CSMD3: variants seen among roughly 807,000 people sequenced by gnomAD.
CSMD3 encodes CUB and sushi domain-containing protein 3.
In CSMD3, 177 loss-of-function variants were observed where a neutral mutation model predicts 435.2. The observed-to-expected ratio is 0.41, with a 90% CI of 0.36 to 0.46. CSMD3 has a LOEUF of 0.46. Among genes scored for constraint, CSMD3 ranks in the 20% least tolerant of loss-of-function variants. CSMD3 has a pLI of 0.34. For missense variants in CSMD3, 4,265 were observed against 4,504.6 expected (o/e 0.95, Z 1.52); for synonymous variants, 1,656 against 1,520.5 (o/e 1.09, Z -2.07).
intron 3 of CSMD3, among the ~76,000 whole-genome samples, chr8:113,236,242 T>C (rs1180691818): frequency 6.6e-6 from 1 of 152,210 alleles, no homozygotes; most frequent in East Asian, 1.9e-4. Flanking sequence ...CAGTATTTTA[T>C]GAATATGTAT....
In CSMD3 at chr8:113,160,110, C is replaced by T. The variant is rs533801815; in HGVS notation, c.709+13612G>A. 7.9e-5 allele frequency among the ~76,000 whole-genome samples: 12 copies of T among 151,962 alleles called. No homozygotes were observed. The South Asian group carries it at 2.3e-3, about 29-fold the overall frequency. On this transcript the variant is annotated intron_variant, in intron 4 of 70. Transcript: ENST00000297405. Reference sequence around the variant, plus strand: ...ATATATCTTACATTTCCTGAAAACACAAATTTATAGAAACAAGAGTTTTTT... The same window carrying T: ...ATATATCTTACATTTCCTGAAAACATAAATTTATAGAAACAAGAGTTTTTT...
intron 4 of CSMD3, among the ~76,000 whole-genome samples, chr8:113,109,194 A>G (rs2090567631): frequency 6.6e-6 from 1 of 152,266 alleles, no homozygotes; most frequent in African/African-American, 2.4e-5. Flanking sequence ...GTGAGGATAA[A>G]ACATCTTTTC....
chr8:112,284,319 T>A (rs1223104335), intron 58 of CSMD3, among the ~76,000 whole-genome samples: 3 of 151,880 alleles, frequency 2.0e-5, no homozygotes, highest in African/African-American at 7.2e-5. Flanking sequence ...TGAAAATACC[T>A]TTCATGTTTT....
chr8:112,482,335 G>A (rs1178352931), intron 31 of CSMD3, among the ~76,000 whole-genome samples: 1 of 152,180 alleles, frequency 6.6e-6, no homozygotes, highest in Non-Finnish European at 1.5e-5. Flanking sequence ...GACAGTTAAT[G>A]TATGATACTA....
At chr8:113,042,209 AC>A (rs2087651527) in intron 5 of CSMD3, among the ~76,000 whole-genome samples, 1 of 152,158 alleles carries the variant, frequency 6.6e-6, no homozygotes, top group Admixed American at 6.6e-5. Flanking sequence ...TGAGCTTGTC[AC>A]TGGGGTTATA....
chr8:113,395,039 T>C (rs928838959), intron 1 of CSMD3, among the ~76,000 whole-genome samples: 1 of 152,186 alleles, frequency 6.6e-6, no homozygotes, highest in African/African-American at 2.4e-5. Flanking sequence ...GGTAGTCATA[T>C]ACATTTCCTT....
chr8:113,232,957 C>G (rs997737331), intron 3 of CSMD3, among the ~76,000 whole-genome samples: 4 of 151,722 alleles, frequency 2.6e-5, no homozygotes, highest in African/African-American at 7.2e-5. Context: ...ACTGTCTTCC[C>G]TAGTAATATT....
At chr8:112,856,744 T>G (rs2080671328) in intron 11 of CSMD3, among the ~76,000 whole-genome samples, 1 of 151,862 alleles carries the variant, frequency 6.6e-6, no homozygotes, top group South Asian at 2.1e-4. Context: ...ACACCATAAT[T>G]GCTCAAATAT....
intron 3 of CSMD3, among the ~76,000 whole-genome samples, chr8:113,212,224 CA>C (rs1357776373): frequency 6.6e-6 from 1 of 152,012 alleles, no homozygotes; most frequent in Non-Finnish European, 1.5e-5. Flanking sequence ...TATTGGTTAT[CA>C]AAGACAATAG....
At chr8:112,956,703 G>A (rs1190554999) in intron 7 of CSMD3, among the ~76,000 whole-genome samples, 2 of 152,032 alleles carry the variant, frequency 1.3e-5, no homozygotes, top group Non-Finnish European at 2.9e-5. Context: ...CTAATATTGG[G>A]GGGCAGTGGC....
At chr8:112,417,826 A>G (rs1812075012) in intron 32 of CSMD3, among the ~76,000 whole-genome samples, 1 of 152,158 alleles carries the variant, frequency 6.6e-6, no homozygotes, top group African/African-American at 2.4e-5. Flanking sequence ...TTTCAACTTC[A>G]TCACAAAAGA....
intron 69 of CSMD3, 44 bp downstream of exon 69, chr8:112,231,501 G>T: frequency 8.7e-7 from 1 of 1,149,040 alleles, no homozygotes; most frequent in Non-Finnish European, 1.3e-6. Flanking sequence ...TATGATGTCT[G>T]GGATAATAAC....
chr8:112,425,947 T>C (rs1813024765), intron 32 of CSMD3, among the ~76,000 whole-genome samples: 1 of 152,174 alleles, frequency 6.6e-6, no homozygotes, highest in Non-Finnish European at 1.5e-5. Context: ...TGGACTCTAT[T>C]TTAGTCTTCT....
intron 3 of CSMD3, among the ~76,000 whole-genome samples, chr8:113,218,436 A>G (rs1218326486): frequency 6.7e-6 from 1 of 149,202 alleles, no homozygotes; most frequent in African/African-American, 2.5e-5. Flanking sequence ...ATTATTTTTC[A>G]TAATCTTTTA....
chr8:112,949,252 T>C (rs1263002037), intron 8 of CSMD3, among the ~76,000 whole-genome samples: 5 of 152,052 alleles, frequency 3.3e-5, no homozygotes, highest in Admixed American at 2.0e-4. Context: ...AAACATCGGA[T>C]TTTGCATGTT....
chr8:113,153,088 G>GAAAGAAAGAAAGAAAGA lies in CSMD3; in HGVS notation c.709+20633_709+20634insTCTTTCTTTCTTTCTTT, dbSNP rs1554791117. The stretch of plus-strand genomic sequence containing the variant: ...GAAAAAAGAAAGAAAAAGAAAGAAA[G>GAAAGAAAGAAAGAAAGA]AAAGAAAGAAAGAAAAGAAAGAAAG... On this transcript the variant is annotated intron_variant, in intron 4 of 70. Coordinates refer to ENST00000297405, the MANE Select transcript of CSMD3 (RefSeq NM_198123.2). Among the ~76,000 whole-genome samples the GAAAGAAAGAAAGAAAGA allele has an allele frequency of 1.2e-3, 100 of 86,840 alleles. 2 individuals are homozygous for GAAAGAAAGAAAGAAAGA. The highest frequency in any genetic ancestry group is 3.3e-3 in the African/African-American group (63 of 18,876). 57.0% of individuals were successfully genotyped at this position (86,840 alleles called of 152,430 possible). A position where few individuals can be genotyped will look rare whatever the true frequency, so the allele number is the denominator to read the frequency against.
At chr8:112,486,344 T>C (rs1208079398) in intron 31 of CSMD3, among the ~76,000 whole-genome samples, 1 of 152,116 alleles carries the variant, frequency 6.6e-6, no homozygotes, top group Non-Finnish European at 1.5e-5. Flanking sequence ...CATGGCTTCA[T>C]AAGAAGACTG....
intron 5 of CSMD3, among the ~76,000 whole-genome samples, chr8:113,050,830 C>A (rs1320910626): frequency 2.0e-5 from 3 of 151,878 alleles, no homozygotes; most frequent in Non-Finnish European, 4.4e-5. Flanking sequence ...ACCTCATATA[C>A]AAATCAAAAT....
chr8:113,356,001 TA>T (rs2094224624), intron 1 of CSMD3, among the ~76,000 whole-genome samples: 1 of 151,196 alleles, frequency 6.6e-6, no homozygotes, highest in Admixed American at 6.6e-5. Flanking sequence ...TTAGCAAGTC[TA>T]AACATAAATA....
Sources: gnomAD v4.1 joint callset for allele counts (sites outside exome capture counted in the v4.1 genomes callset) on GRCh38, gnomAD v4.1.1 for gene constraint, MANE v1.5 for transcripts, NCBI Gene and HGNC (gene_info 2026-07-23, HGNC 2026-07-21) for gene names.